The following GRAP2 variants were observed in gnomAD, a reference collection of about 807,000 sequenced individuals.
GRAP2 encodes the protein GRB2-related adapter protein 2.
Under a neutral mutation model 43.5 loss-of-function variants are expected in GRAP2, and 31 were observed. That is an observed-to-expected ratio of 0.71 (90% CI 0.54 to 0.96). GRAP2 has a LOEUF of 0.96. Among genes scored for constraint, GRAP2 ranks in the 40% least tolerant of loss-of-function variants. The probability of loss-of-function intolerance (pLI) is 0.00; values close to 1 mark genes in which losing one functional copy is unlikely to be tolerated. For synonymous variants in GRAP2, 156 were observed against 164.8 expected (o/e 0.95, Z 0.41); for missense variants, 371 against 424.4 (o/e 0.87, Z 1.11).
intron 1 of GRAP2, among the ~76,000 whole-genome samples, chr22:39,924,030 G>A (rs962091315): frequency 4.6e-5 from 7 of 152,216 alleles, no homozygotes; most frequent in African/African-American, 7.2e-5. Flanking sequence ...CAGAAATTAA[G>A]TAAGTCACTC....
At position 39,972,712 on chromosome 22, in the gene GRAP2, T is replaced by C. The variant is rs1252302974; in HGVS notation, c.*1628T>C. ...TGATTCTACAGTTCTCTGATCCTCA[T>C]GTTTCCTTTAGAGGAAAGAGGAAAA... is the stretch of plus-strand genomic sequence containing the variant. On this transcript the variant is annotated 3_prime_UTR_variant, in exon 8 of 8. Transcript: ENST00000344138. 1 of 152,310 alleles carries C rather than the reference T, an allele frequency of 6.6e-6. No individual in the cohort carries two copies. The highest frequency in any genetic ancestry group is 1.5e-5 in the Non-Finnish European group (1 of 68,048). The allele number at this position is 152,310 out of a possible 1,614,324, so 9.4% of individuals were successfully genotyped here. A position where few individuals can be genotyped will look rare whatever the true frequency, so the allele number is the denominator to read the frequency against.
intron 1 of GRAP2, among the ~76,000 whole-genome samples, chr22:39,946,556 C>G (rs1336746273): frequency 6.6e-6 from 1 of 152,210 alleles, no homozygotes; most frequent in Non-Finnish European, 1.5e-5. Flanking sequence ...CTTCTTTCTA[C>G]TCCCAAACCA....
At chr22:39,947,536 G>T (rs562510872) in intron 2 of GRAP2, 1 of 246,294 alleles carries the variant, frequency 4.1e-6, no homozygotes, top group African/African-American at 2.2e-5. Flanking sequence ...CAATGTGAAC[G>T]TCAGGAATGC....
chr22:39,952,891 T>C (rs1451253352), intron 2 of GRAP2, among the ~76,000 whole-genome samples: 2 of 152,178 alleles, frequency 1.3e-5, no homozygotes, highest in African/African-American at 4.8e-5. Flanking sequence ...ACATCAGCTC[T>C]GTGAGGTGCT....
At chr22:39,967,830 G>C (rs1890779616) in intron 5 of GRAP2, among the ~76,000 whole-genome samples, 1 of 152,166 alleles carries the variant, frequency 6.6e-6, no homozygotes. Context: ...CCAGAGACCT[G>C]CACTCCTAAA....
intron 1 of GRAP2, among the ~76,000 whole-genome samples, chr22:39,934,178 G>C (rs190139549): frequency 2.6e-5 from 4 of 152,138 alleles, no homozygotes; most frequent in African/African-American, 9.7e-5. Context: ...CCACAGGCAC[G>C]GCACAGCTTG....
chr22:39,902,931 A>G (rs1463639361), intron 1 of GRAP2, among the ~76,000 whole-genome samples: 1 of 152,226 alleles, frequency 6.6e-6, no homozygotes, highest in African/African-American at 2.4e-5. Context: ...CTTCTTATAC[A>G]AAATGTCTCT....
chr22:39,933,782 A>T (rs899997431), intron 1 of GRAP2, among the ~76,000 whole-genome samples: 5 of 151,854 alleles, frequency 3.3e-5, no homozygotes, highest in Non-Finnish European at 7.4e-5. Flanking sequence ...CGAATGTTTC[A>T]GTGAGCCAAG....
At chr22:39,904,420 TAGTG>T (rs1328336324) in intron 1 of GRAP2, among the ~76,000 whole-genome samples, 4 of 152,058 alleles carry the variant, frequency 2.6e-5, no homozygotes, top group African/African-American at 9.7e-5. Flanking sequence ...AAAGAAAAGA[TAGTG>T]AGAAAATAAC....
At chr22:39,952,325 C>T (rs558174168) in intron 2 of GRAP2, among the ~76,000 whole-genome samples, 1 of 152,300 alleles carries the variant, frequency 6.6e-6, no homozygotes, top group Admixed American at 6.5e-5. Context: ...TGGCACCCGG[C>T]CTCAACGTGT....
intron 1 of GRAP2, among the ~76,000 whole-genome samples, chr22:39,928,060 C>T (rs775272976): frequency 4.6e-5 from 7 of 152,318 alleles, no homozygotes; most frequent in Admixed American, 6.5e-5. Context: ...CCTCTTTCTG[C>T]GACCATTTTC....
At chr22:39,946,272 T>A (rs1252597949) in intron 1 of GRAP2, among the ~76,000 whole-genome samples, 1 of 152,230 alleles carries the variant, frequency 6.6e-6, no homozygotes, top group African/African-American at 2.4e-5. Context: ...CCCAAGAGTC[T>A]ACAGCTATCT....
intron 1 of GRAP2, among the ~76,000 whole-genome samples, chr22:39,909,701 C>A (rs535362157): frequency 3.3e-5 from 5 of 151,978 alleles, no homozygotes; most frequent in African/African-American, 1.2e-4. Flanking sequence ...AACAAACAAA[C>A]AAAAAAATGG....
chr22:39,963,199 T>G (rs891048422), intron 4 of GRAP2, among the ~76,000 whole-genome samples: 3 of 152,210 alleles, frequency 2.0e-5, no homozygotes, highest in African/African-American at 4.8e-5. Context: ...AAGAGCTAAT[T>G]GTAGTTCTAT....
At chr22:39,904,367 G>A (rs866822299) in intron 1 of GRAP2, among the ~76,000 whole-genome samples, 2 of 152,142 alleles carry the variant, frequency 1.3e-5, no homozygotes, top group African/African-American at 2.4e-5. Context: ...CAGCCTGGTC[G>A]ACAGAGCAAG....
chr22:39,964,734 A>AAAAATT (rs138005), intron 4 of GRAP2: 1 of 471,268 alleles, frequency 2.1e-6, no homozygotes. Context: ...AAAAAAAAAA[A>AAAAATT]TCTTCCAGTG....
At chr22:39,912,190 G>T (rs1336125393) in intron 1 of GRAP2, among the ~76,000 whole-genome samples, 2 of 152,232 alleles carry the variant, frequency 1.3e-5, no homozygotes, top group African/African-American at 4.8e-5. Context: ...GGAGGCCAGG[G>T]TGGGAGGATT....
chr22:39,900,729 G>A (rs1049085736), upstream of GRAP2, among the ~76,000 whole-genome samples: 6 of 152,158 alleles, frequency 3.9e-5, no homozygotes, highest in African/African-American at 1.4e-4. Flanking sequence ...TATGAACAAA[G>A]CATCTTTCCT....
rs148635632 is a variant in GRAP2 at position 39,901,439 on chromosome 22, A to G, written c.-15+109A>G. 1.2e-5 allele frequency: 5 copies of G among 416,902 alleles called. No homozygotes were observed. The Admixed American group carries it at 1.4e-4, about 12-fold the overall frequency. 25.8% of individuals were successfully genotyped at this position (416,902 alleles called of 1,614,324 possible). On this transcript the variant is annotated intron_variant, in intron 1 of 7. Transcript: ENST00000344138. The stretch of plus-strand genomic sequence containing the variant: ...TTAAAATGAATCTCACTAGTTCTCT[A>G]AATATTGCTTTTAAGTCCCATCAGC...
Sources: allele counts gnomAD v4.1 joint callset (sites outside exome capture counted in the v4.1 genomes callset), GRCh38; gene constraint gnomAD v4.1.1; transcripts MANE v1.5; gene names NCBI Gene and HGNC (gene_info 2026-07-23, HGNC 2026-07-21).